The following CNTNAP5 variants were observed in gnomAD, a reference collection of about 807,000 sequenced individuals.
The protein encoded by CNTNAP5 is contactin-associated protein-like 5.
A neutral mutation model predicts 150.2 loss-of-function variants in CNTNAP5; 72 were observed. The observed-to-expected ratio is 0.48, with a 90% CI of 0.40 to 0.58. The LOEUF is 0.58. Among genes scored for constraint, CNTNAP5 ranks in the 20% least tolerant of loss-of-function variants. CNTNAP5 has a pLI of 0.00. For missense variants in CNTNAP5, 1,636 were observed against 1,626.2 expected (o/e 1.01, Z -0.10); for synonymous variants, 672 against 619.8 (o/e 1.08, Z -1.25).
chr2:124,347,495 T>A (rs1429492602), intron 3 of CNTNAP5, among the ~76,000 whole-genome samples: 1 of 152,162 alleles, frequency 6.6e-6, no homozygotes, highest in African/African-American at 2.4e-5. Context: ...GCGGGCAGAT[T>A]GAGCAGAAGA....
At chr2:124,253,959 G>A (rs970576639) in intron 3 of CNTNAP5, among the ~76,000 whole-genome samples, 6 of 151,678 alleles carry the variant, frequency 4.0e-5, no homozygotes, top group African/African-American at 1.5e-4. Flanking sequence ...CTTTATGAAC[G>A]GATTTGGAGC....
intron 21 of CNTNAP5, among the ~76,000 whole-genome samples, chr2:124,878,828 G>A (rs144129365): frequency 0.013 from 1,992 of 151,392 alleles, 27 homozygotes; most frequent in South Asian, 0.04. Flanking sequence ...GATTACAGGT[G>A]TGTGCCACCT....
chr2:124,567,870 T>TAG (rs1379106647), intron 11 of CNTNAP5, among the ~76,000 whole-genome samples: 2 of 136,834 alleles, frequency 1.5e-5, no homozygotes, highest in Admixed American at 1.6e-4. Flanking sequence ...GATAGATAGA[T>TAG]AGATAGATAG....
At chr2:124,118,936 G>A (rs1683492546) in intron 1 of CNTNAP5, among the ~76,000 whole-genome samples, 1 of 152,144 alleles carries the variant, frequency 6.6e-6, no homozygotes, top group South Asian at 2.1e-4. Flanking sequence ...TGTATACAAT[G>A]CTGCTAGGCC....
chr2:124,184,105 G>C (rs974732282), intron 1 of CNTNAP5, among the ~76,000 whole-genome samples: 1 of 152,122 alleles, frequency 6.6e-6, no homozygotes, highest in Non-Finnish European at 1.5e-5. Context: ...GGGAGGTCGA[G>C]GAGTTTTTGA....
At chr2:124,544,745 G>C (rs1030772507) in intron 10 of CNTNAP5, among the ~76,000 whole-genome samples, 2 of 152,110 alleles carry the variant, frequency 1.3e-5, no homozygotes, top group African/African-American at 2.4e-5. Flanking sequence ...CAGTACTTGT[G>C]GATTTTACAT....
intron 6 of CNTNAP5, among the ~76,000 whole-genome samples, chr2:124,458,068 T>G (rs989559282): frequency 1.8e-4 from 28 of 151,642 alleles, no homozygotes; most frequent in African/African-American, 6.5e-4. Flanking sequence ...ACTAGGTATC[T>G]ACCCAGAGGA....
chr2:124,075,696 A>G (rs1348221252), intron 1 of CNTNAP5, among the ~76,000 whole-genome samples: 1 of 152,140 alleles, frequency 6.6e-6, no homozygotes, highest in Admixed American at 6.6e-5. Flanking sequence ...GAAGCAACAC[A>G]ACTACACATT....
Position 124,044,925 on chromosome 2 carries a change from CACACACAT to C in CNTNAP5, c.82+19194_82+19201del, listed in dbSNP as rs1379867283. ...ACACACACACACACACACACACACA[CACACACAT>C]GAATAAGTGAGGCCCATCTTCCTGG... On this transcript the variant is annotated intron_variant, in intron 1 of 23. Transcript: ENST00000682447. Among the ~76,000 whole-genome samples the C allele has an allele frequency of 5.2e-3, 741 of 141,406 alleles. 2 individuals carry two copies. The highest frequency in any genetic ancestry group is 0.018 in the African/African-American group (683 of 37,194). 92.8% of individuals were successfully genotyped at this position (141,406 alleles called of 152,430 possible). A position where few individuals can be genotyped will look rare whatever the true frequency, so the allele number is the denominator to read the frequency against.
At chr2:124,315,489 G>A (rs946218576) in intron 3 of CNTNAP5, among the ~76,000 whole-genome samples, 2 of 152,104 alleles carry the variant, frequency 1.3e-5, no homozygotes, top group Admixed American at 6.6e-5. Context: ...GCTTCTGCTC[G>A]GCTATCACTG....
At chr2:124,245,082 A>G (rs973119481) in intron 3 of CNTNAP5, among the ~76,000 whole-genome samples, 4 of 152,200 alleles carry the variant, frequency 2.6e-5, no homozygotes, top group Middle Eastern at 3.4e-3. Context: ...TTCTCACCTC[A>G]AATGTCAACT....
intron 11 of CNTNAP5, 67 bp from the exon 12 acceptor site, chr2:124,609,734 A>C: frequency 6.4e-7 from 1 of 1,558,594 alleles, no homozygotes; most frequent in South Asian, 1.2e-5. Context: ...AGTAGGAGTT[A>C]CTGATTCCTG....
intron 13 of CNTNAP5, among the ~76,000 whole-genome samples, chr2:124,658,712 CAT>C (rs578256639): frequency 4.6e-4 from 70 of 152,254 alleles, no homozygotes; most frequent in African/African-American, 1.6e-3. Flanking sequence ...ATTACTGTAG[CAT>C]ATGTTTGTGT....
At chr2:124,276,442 G>A (rs1341976930) in intron 3 of CNTNAP5, among the ~76,000 whole-genome samples, 1 of 152,086 alleles carries the variant, frequency 6.6e-6, no homozygotes, top group Non-Finnish European at 1.5e-5. Flanking sequence ...CTCCTAGTTG[G>A]CATTTTTACA....
rs532560171 is a variant in CNTNAP5 at position 124,639,484 on chromosome 2, G to A, written c.1877-8274G>A. ...GAAGGCGTCTCTTCTTTTCTGACCCGGTACAAGGAGATATAAATGCTGCCT... is the reference window on the plus strand; with the variant it reads ...GAAGGCGTCTCTTCTTTTCTGACCCAGTACAAGGAGATATAAATGCTGCCT... On this transcript the variant is annotated intron_variant, in intron 12 of 23. Transcript: ENST00000682447. Among the ~76,000 whole-genome samples the A allele has an allele frequency of 1.8e-4, 28 of 152,140 alleles. No homozygotes were observed. The South Asian group carries it at 5.0e-3, about 27-fold the overall frequency.
At chr2:124,584,944 G>A (rs1238585166) in intron 11 of CNTNAP5, among the ~76,000 whole-genome samples, 1 of 152,194 alleles carries the variant, frequency 6.6e-6, no homozygotes, top group Non-Finnish European at 1.5e-5. Context: ...ACTAATGGGG[G>A]TGGCTTTGGG....
At chr2:124,305,501 T>G (rs1016871185) in intron 3 of CNTNAP5, among the ~76,000 whole-genome samples, 1 of 152,242 alleles carries the variant, frequency 6.6e-6, no homozygotes, top group Admixed American at 6.5e-5. Flanking sequence ...TTATGTCATT[T>G]TTTTTAGGAG....
At position 124,594,825 on chromosome 2, in the gene CNTNAP5, T is replaced by C. The variant is rs998837180; in HGVS notation, c.1757-14976T>C. 1.1e-4 allele frequency among the ~76,000 whole-genome samples: 12 copies of C among 109,210 alleles called. 3 individuals are homozygous for C. Among genetic ancestry groups the C allele is most frequent in the Non-Finnish European group, 1.3e-4 (7 of 53,008 alleles). The allele number at this position is 109,210 out of a possible 152,430, so 71.6% of individuals were successfully genotyped here. A position where few individuals can be genotyped will look rare whatever the true frequency, so the allele number is the denominator to read the frequency against. On this transcript the variant is annotated intron_variant, in intron 11 of 23. Transcript: ENST00000682447. ...TCTTTTATTTCCTTGAGCAGTGGTT[T>C]GTAATTCTCCTTGAAGAGGTCCTTC...
chr2:124,569,440 A>G (rs926477002), intron 11 of CNTNAP5, among the ~76,000 whole-genome samples: 19 of 150,722 alleles, frequency 1.3e-4, no homozygotes, highest in Admixed American at 1.1e-3. Flanking sequence ...GATGACTTGT[A>G]TTATAGGAAT....
Sources: allele counts gnomAD v4.1 joint callset (sites outside exome capture counted in the v4.1 genomes callset), GRCh38; gene constraint gnomAD v4.1.1; transcripts MANE v1.5; gene names NCBI Gene and HGNC (gene_info 2026-07-23, HGNC 2026-07-21).